BBX: variants seen among roughly 807,000 people sequenced by gnomAD.
BBX encodes HMG box transcription factor BBX.
In BBX, 30 loss-of-function variants were observed where a neutral mutation model predicts 100.2. The observed-to-expected ratio is 0.30, with a 90% CI of 0.22 to 0.41. The LOEUF (loss-of-function observed/expected upper bound fraction) is 0.41, where lower values mean the gene tolerates loss of function less well. Ranked by LOEUF, BBX falls within the 10% of genes least tolerant of loss-of-function variation. The pLI, the probability that BBX is intolerant of heterozygous loss-of-function variation, is 1.00. For synonymous variants in BBX, 376 were observed against 388.1 expected (o/e 0.97, Z 0.37); for missense variants, 1,023 against 1,129.8 (o/e 0.91, Z 1.35).
At chr3:107,771,840 A>G (rs1371970909) in intron 10 of BBX, among the ~76,000 whole-genome samples, 1 of 152,186 alleles carries the variant, frequency 6.6e-6, no homozygotes, top group African/African-American at 2.4e-5. Context: ...GTGGACAGGT[A>G]GAAATTATTT....
intron 3 of BBX, chr3:107,661,875 C>T (rs2058463700): frequency 2.0e-6 from 2 of 985,260 alleles, no homozygotes; most frequent in Admixed American, 6.2e-5. Context: ...GGTATCATCT[C>T]CAGCATGTTA....
chr3:107,730,443 C>T (rs1490360756), intron 6 of BBX, among the ~76,000 whole-genome samples: 1 of 150,506 alleles, frequency 6.6e-6, no homozygotes, highest in African/African-American at 2.4e-5. Flanking sequence ...CTTTTTCTCC[C>T]AATTCTCAGT....
intron 2 of BBX, among the ~76,000 whole-genome samples, chr3:107,620,653 G>C (rs919021526): frequency 6.6e-6 from 1 of 152,194 alleles, no homozygotes; most frequent in Non-Finnish European, 1.5e-5. Flanking sequence ...TTCCTGCTGG[G>C]CAGGGGCACA....
Position 107,710,590 on chromosome 3 carries a change from G to T in BBX, c.130G>T (p.Glu44Ter). The T allele has an allele frequency of 6.2e-7, 1 of 1,613,690 alleles. No individual in the cohort carries two copies. The highest frequency in any genetic ancestry group is 8.5e-7 in the Non-Finnish European group (1 of 1,179,816). The change falls in exon 4 of 18, where the codon GAA becomes TAA. Residue 44 changes from glutamate (E) to a stop codon, truncating the protein, a stop_gained. Transcript: ENST00000325805. LOFTEE classifies it high-confidence loss of function. ...ACTTCTTGATTTTTCAGAAGAGGAA[G>T]AAGAGGAAGACGAAGAGGAGGATAT... ...KKLLDFSEEE[E>*]EEDEEEDIDK... is the part of the protein sequence containing the mutation.
chr3:107,646,206 T>TA (rs2057509281), intron 3 of BBX: 1 of 152,200 alleles, frequency 6.6e-6, no homozygotes. Flanking sequence ...AAGTCCTAGA[T>TA]ACTAAGAGGT....
chr3:107,679,274 G>A (rs529829977), intron 3 of BBX, among the ~76,000 whole-genome samples: 3 of 152,116 alleles, frequency 2.0e-5, no homozygotes, highest in East Asian at 1.9e-4. Context: ...GTTTGACACC[G>A]TACATATCTT....
At position 107,728,862 on chromosome 3, in the gene BBX, A is replaced by G; in HGVS notation, c.503A>G (p.Lys168Arg). Residue 168 changes from lysine to arginine, a missense_variant, in exon 6 of 18, where the codon AAG becomes AGG. Physicochemically the swap from Lys to Arg is conservative, Grantham distance 26. Transcript: ENST00000325805. ...KSPTPTVNPR[K>R]KLWAFPSDSS... ...CCAACACCCACTGTCAATCCACGAA[A>G]GAAACTTTGGGCCTTCCCATCTGAC... is the stretch of plus-strand genomic sequence containing the variant. The G allele has an allele frequency of 6.2e-7, 1 of 1,614,004 alleles. No individual in the cohort carries two copies. Among genetic ancestry groups the G allele is most frequent in the South Asian group, 1.1e-5 (1 of 91,078 alleles).
intron 8 of BBX, among the ~76,000 whole-genome samples, chr3:107,747,646 A>G (rs973186123): frequency 3.4e-5 from 5 of 147,908 alleles, no homozygotes; most frequent in African/African-American, 1.2e-4. Flanking sequence ...AACAATATAC[A>G]TTTTTTCCTT....
At chr3:107,728,724 A>C in intron 5 of BBX, 41 bp from the exon 6 acceptor site, 1 of 1,548,702 alleles carries the variant, frequency 6.5e-7, no homozygotes, top group Non-Finnish European at 8.8e-7. Flanking sequence ...TTTTCAATCT[A>C]TTTGTTAATT....
intron 3 of BBX, among the ~76,000 whole-genome samples, chr3:107,701,156 C>T (rs889583472): frequency 6.6e-6 from 1 of 152,052 alleles, no homozygotes; most frequent in Admixed American, 6.5e-5. Flanking sequence ...GATGGTATCT[C>T]GTTGTGGTTT....
chr3:107,650,255 C>T (rs1004868974), intron 3 of BBX, among the ~76,000 whole-genome samples: 2 of 152,114 alleles, frequency 1.3e-5, no homozygotes, highest in Non-Finnish European at 2.9e-5. Flanking sequence ...GTCAGATCAG[C>T]AGCGGCATTA....
At chr3:107,769,686 G>A (rs1440400292) in intron 10 of BBX, among the ~76,000 whole-genome samples, 1 of 151,980 alleles carries the variant, frequency 6.6e-6, no homozygotes, top group Non-Finnish European at 1.5e-5. Flanking sequence ...GTGGCTTCAG[G>A]GAACAGAACT....
At chr3:107,610,058 GT>G (rs2054729192) in intron 2 of BBX, among the ~76,000 whole-genome samples, 1 of 151,786 alleles carries the variant, frequency 6.6e-6, no homozygotes, top group Admixed American at 6.6e-5. Context: ...GTTTTGGTAT[GT>G]TTGTTTGTAT....
At chr3:107,652,258 A>T (rs1284773151) in intron 3 of BBX, among the ~76,000 whole-genome samples, 1 of 151,412 alleles carries the variant, frequency 6.6e-6, no homozygotes, top group African/African-American at 2.4e-5. Context: ...CTACATCACT[A>T]GAATAATTTT....
chr3:107,672,328 A>G (rs1167603648), intron 3 of BBX, among the ~76,000 whole-genome samples: 2 of 152,048 alleles, frequency 1.3e-5, no homozygotes, highest in African/African-American at 4.8e-5. Context: ...ATTAGGAGAA[A>G]GGTCCTGGCT....
rs946122113 is a variant in BBX, at chr3:107,666,817, G to T, written c.-10+20908G>T. Among the ~76,000 whole-genome samples, 3 of 152,094 alleles carry T rather than the reference G, an allele frequency of 2.0e-5. No homozygotes were observed. In the East Asian group the frequency reaches 5.8e-4, roughly 29 times the overall value. On this transcript the variant is annotated intron_variant, in intron 3 of 17. Coordinates refer to ENST00000325805, the MANE Select transcript of BBX (RefSeq NM_001142568.3). ...AATCTCTTGACCTCATGATCCACCC[G>T]CCTCGGCCTCCCAAAGTGCTGGGAT...
intron 2 of BBX, among the ~76,000 whole-genome samples, chr3:107,583,285 G>T (rs2052420342): frequency 6.6e-6 from 1 of 151,882 alleles, no homozygotes; most frequent in Non-Finnish European, 1.5e-5. Flanking sequence ...CTTTCAAAAG[G>T]ATTGGAAAGG....
intron 7 of BBX, among the ~76,000 whole-genome samples, chr3:107,733,876 G>A (rs1019700586): frequency 6.6e-6 from 1 of 152,112 alleles, no homozygotes; most frequent in Non-Finnish European, 1.5e-5. Flanking sequence ...ATTTTGACGG[G>A]CAGGTAGTGG....
chr3:107,724,659 T>C (rs369754655), intron 5 of BBX, among the ~76,000 whole-genome samples: 1 of 152,218 alleles, frequency 6.6e-6, no homozygotes, highest in Non-Finnish European at 1.5e-5. Context: ...ATTTGTTAAA[T>C]AGGGAATCCT....
Sources: allele counts gnomAD v4.1 joint callset (sites outside exome capture counted in the v4.1 genomes callset), GRCh38; gene constraint gnomAD v4.1.1; transcripts MANE v1.5; gene names NCBI Gene and HGNC (gene_info 2026-07-23, HGNC 2026-07-21).